PLCB4: variants seen among roughly 807,000 people sequenced by gnomAD.
PLCB4 encodes 1-phosphatidylinositol 4,5-bisphosphate phosphodiesterase beta-4.
Under a neutral mutation model 178.8 loss-of-function variants are expected in PLCB4, and 77 were observed. The ratio of observed to expected loss-of-function variants is 0.43; its 90% CI spans 0.36 to 0.52. The LOEUF (loss-of-function observed/expected upper bound fraction) is 0.52. PLCB4 is among the 20% of genes least tolerant of loss of function. The pLI is 0.00. For synonymous variants in PLCB4, 496 were observed against 490.8 expected (o/e 1.01, Z -0.14); for missense variants, 1,024 against 1,453.4 (o/e 0.70, Z 4.80).
At chr20:9,256,442 T>TA (rs1362534862) in intron 3 of PLCB4, among the ~76,000 whole-genome samples, 2 of 152,238 alleles carry the variant, frequency 1.3e-5, no homozygotes, top group East Asian at 3.8e-4. Context: ...AGTAGAAACT[T>TA]ACCCCTGCAA....
At chr20:9,376,518 A>C (rs889791402) in intron 12 of PLCB4, among the ~76,000 whole-genome samples, 2 of 152,122 alleles carry the variant, frequency 1.3e-5, no homozygotes, top group Admixed American at 6.6e-5. Context: ...CTTTGCCTAT[A>C]ATATGAAAAT....
chr20:9,340,484 T>C (rs1034172085), intron 7 of PLCB4, among the ~76,000 whole-genome samples: 1 of 152,188 alleles, frequency 6.6e-6, no homozygotes, highest in Non-Finnish European at 1.5e-5. Flanking sequence ...CAGAAGTGGA[T>C]GCTCGATGTC....
intron 4 of PLCB4, among the ~76,000 whole-genome samples, chr20:9,309,025 T>C (rs993967305): frequency 7.9e-5 from 12 of 152,248 alleles, no homozygotes; most frequent in South Asian, 6.2e-4. Flanking sequence ...TTTTTTTCTC[T>C]CTCCCATGGT....
chr20:9,395,911 G>T (rs573067494), intron 19 of PLCB4, among the ~76,000 whole-genome samples: 1 of 152,180 alleles, frequency 6.6e-6, no homozygotes, highest in Admixed American at 6.5e-5. Context: ...GTTCAAGGCT[G>T]CAGTGAGCTA....
chr20:9,458,253 G>A (rs2043178193), intron 34 of PLCB4, among the ~76,000 whole-genome samples: 1 of 152,156 alleles, frequency 6.6e-6, no homozygotes, highest in South Asian at 2.1e-4. Context: ...AGATGTTCTT[G>A]GTAGCTGTAT....
At chr20:9,099,148 T>TCTCATAATCAAAGAAG (rs2091044752) in intron 2 of PLCB4, among the ~76,000 whole-genome samples, 1 of 152,082 alleles carries the variant, frequency 6.6e-6, no homozygotes, top group Non-Finnish European at 1.5e-5. Context: ...TAAACATGGT[T>TCTCATAATCAAAGAAG]CTCATAATCA....
At chr20:9,086,704 T>G (rs2090438585) in intron 1 of PLCB4, among the ~76,000 whole-genome samples, 1 of 152,174 alleles carries the variant, frequency 6.6e-6, no homozygotes, top group African/African-American at 2.4e-5. Flanking sequence ...TTGACAGTTT[T>G]GATCAAATAG....
intron 3 of PLCB4, among the ~76,000 whole-genome samples, chr20:9,270,903 T>G (rs1054686360): frequency 3.3e-5 from 5 of 152,122 alleles, no homozygotes; most frequent in African/African-American, 9.7e-5. Flanking sequence ...ATACCACCCA[T>G]ATTTTCATTT....
intron 4 of PLCB4, among the ~76,000 whole-genome samples, chr20:9,316,515 C>T (rs1233165899): frequency 6.6e-6 from 1 of 152,168 alleles, no homozygotes; most frequent in African/African-American, 2.4e-5. Context: ...GGAAGGTGAG[C>T]TAGAGGCTTA....
At chr20:9,150,989 G>T (rs2092681160) in intron 2 of PLCB4, among the ~76,000 whole-genome samples, 1 of 152,104 alleles carries the variant, frequency 6.6e-6, no homozygotes, top group Non-Finnish European at 1.5e-5. Context: ...TTCTGGCCTT[G>T]TTGGCAAAGT....
At chr20:9,110,476 A>T (rs2091535223) in intron 2 of PLCB4, among the ~76,000 whole-genome samples, 1 of 152,204 alleles carries the variant, frequency 6.6e-6, no homozygotes, top group South Asian at 2.1e-4. Context: ...TACACATTTT[A>T]CATTTCTCCC....
rs188905249 is a variant in PLCB4, at chr20:9,136,718, A to G, written c.-79+40376A>G. 1.2e-4 allele frequency among the ~76,000 whole-genome samples: 19 copies of G among 152,194 alleles called. No individual in the cohort carries two copies. In the East Asian group the frequency reaches 3.7e-3, roughly 30 times the overall value. ...CACACAGTCGATTCCAATATGACAAACACCTTGTCTTTGCTCTTTCCTCTT... is the reference window on the plus strand; with the variant it reads ...CACACAGTCGATTCCAATATGACAAGCACCTTGTCTTTGCTCTTTCCTCTT... On this transcript the variant is annotated intron_variant, in intron 2 of 39. Coordinates refer to ENST00000378473, the MANE Select transcript of PLCB4 (RefSeq NM_001377142.1).
intron 4 of PLCB4, among the ~76,000 whole-genome samples, chr20:9,317,283 T>C (rs1434696121): frequency 6.6e-6 from 1 of 152,222 alleles, no homozygotes; most frequent in African/African-American, 2.4e-5. Flanking sequence ...AGTCACCCTC[T>C]ATTTCTCTTC....
chr20:9,272,563 C>G (rs1240041504), intron 3 of PLCB4, among the ~76,000 whole-genome samples: 1 of 152,054 alleles, frequency 6.6e-6, no homozygotes, highest in Non-Finnish European at 1.5e-5. Context: ...ACATGCAAGC[C>G]TGGACAATAT....
At chr20:9,355,812 A>G (rs1391696841) in intron 7 of PLCB4, among the ~76,000 whole-genome samples, 1 of 152,124 alleles carries the variant, frequency 6.6e-6, no homozygotes, top group Non-Finnish European at 1.5e-5. Flanking sequence ...GTATATACCC[A>G]GTAATGGGAT....
chr20:9,273,953 G>T (rs2094429740), intron 3 of PLCB4, among the ~76,000 whole-genome samples: 1 of 152,056 alleles, frequency 6.6e-6, no homozygotes, highest in Non-Finnish European at 1.5e-5. Context: ...AGGAAGCTTT[G>T]CAGCAGCCCA....
At chr20:9,296,566 T>A (rs2094637820) in intron 3 of PLCB4, among the ~76,000 whole-genome samples, 1 of 152,152 alleles carries the variant, frequency 6.6e-6, no homozygotes, top group Admixed American at 6.6e-5. Flanking sequence ...CACGTATGTT[T>A]ATTGTGGCAC....
intron 12 of PLCB4, among the ~76,000 whole-genome samples, chr20:9,379,815 G>A (rs972532031): frequency 6.6e-6 from 1 of 152,048 alleles, no homozygotes; most frequent in Non-Finnish European, 1.5e-5. Flanking sequence ...TTTTGAAGGG[G>A]AAAAAATGTA....
intron 28 of PLCB4, 87 bp downstream of exon 28, chr20:9,424,039 AC>A: frequency 1.1e-6 from 1 of 904,182 alleles, no homozygotes; most frequent in Admixed American, 2.0e-5. Context: ...GCTTTAAAAA[AC>A]AATAAAAATA....
Sources: gnomAD v4.1 joint callset for allele counts (sites outside exome capture counted in the v4.1 genomes callset) on GRCh38, gnomAD v4.1.1 for gene constraint, MANE v1.5 for transcripts, NCBI Gene and HGNC (gene_info 2026-07-23, HGNC 2026-07-21) for gene names.